The following KCNIP4 variants were observed in gnomAD, a reference collection of about 807,000 sequenced individuals.
The protein encoded by KCNIP4 is potassium voltage-gated channel interacting protein 4, also known as Kv channel-interacting protein 4.
KCNIP4 carries 12 observed loss-of-function variants against 34.0 expected under a neutral mutation model. The ratio of observed to expected loss-of-function variants is 0.35; its 90% CI spans 0.23 to 0.57. KCNIP4 has a LOEUF of 0.57. Ranked by LOEUF, KCNIP4 falls within the 20% of genes least tolerant of loss-of-function variation. The pLI is 0.83. For synonymous variants in KCNIP4, 124 were observed against 102.2 expected (o/e 1.21, Z -1.29); for missense variants, 238 against 311.7 (o/e 0.76, Z 1.78).
intron 3 of KCNIP4, among the ~76,000 whole-genome samples, chr4:20,770,810 C>T (rs920048674): frequency 2.0e-5 from 3 of 151,966 alleles, no homozygotes; most frequent in African/African-American, 7.3e-5. Context: ...TGGTGCATGC[C>T]TGTAGTCCTG....
At chr4:21,642,258 C>T (rs1746667333) in intron 1 of KCNIP4, among the ~76,000 whole-genome samples, 1 of 152,032 alleles carries the variant, frequency 6.6e-6, no homozygotes, top group South Asian at 2.1e-4. Flanking sequence ...GTGGAATGAC[C>T]TTTTGAAGAC....
At chr4:20,911,562 A>C (rs1728327592) in intron 1 of KCNIP4, among the ~76,000 whole-genome samples, 1 of 152,186 alleles carries the variant, frequency 6.6e-6, no homozygotes, top group African/African-American at 2.4e-5. Context: ...TTCTGATCCC[A>C]TTATTCATTT....
intron 1 of KCNIP4, among the ~76,000 whole-genome samples, chr4:21,465,143 G>A (rs752675676): frequency 6.6e-6 from 1 of 152,026 alleles, no homozygotes; most frequent in African/African-American, 2.4e-5. Context: ...GCTATTTCAG[G>A]AAAGAACACA....
chr4:21,361,939 C>T (rs575264114), intron 1 of KCNIP4, among the ~76,000 whole-genome samples: 2 of 152,152 alleles, frequency 1.3e-5, no homozygotes, highest in Admixed American at 1.3e-4. Context: ...CTTTTCAAAA[C>T]TCCTCTATAA....
intron 1 of KCNIP4, among the ~76,000 whole-genome samples, chr4:21,444,845 T>G (rs1727832448): frequency 6.6e-6 from 1 of 152,200 alleles, no homozygotes; most frequent in African/African-American, 2.4e-5. Context: ...TGTCCCTGTT[T>G]GCAGATGACA....
At chr4:21,841,444 T>C (rs1723669691) in intron 1 of KCNIP4, among the ~76,000 whole-genome samples, 1 of 152,216 alleles carries the variant, frequency 6.6e-6, no homozygotes. Flanking sequence ...ATGTTCATCC[T>C]TGTGTTGAAA....
chr4:21,196,489 C>A (rs1263539265), intron 1 of KCNIP4, among the ~76,000 whole-genome samples: 1 of 152,154 alleles, frequency 6.6e-6, no homozygotes, highest in Admixed American at 6.5e-5. Context: ...CATGCAGATG[C>A]CTCATCTTAG....
At chr4:21,870,046 C>T (rs966467823) in intron 1 of KCNIP4, among the ~76,000 whole-genome samples, 4 of 152,100 alleles carry the variant, frequency 2.6e-5, no homozygotes, top group South Asian at 2.1e-4. Context: ...TGTGTATCTG[C>T]GGCAAGGTAA....
intron 5 of KCNIP4, among the ~76,000 whole-genome samples, chr4:20,742,937 C>T (rs79667669): frequency 1.3e-5 from 2 of 151,816 alleles, no homozygotes; most frequent in South Asian, 4.2e-4. Context: ...CAAACAGAGC[C>T]AAATCATGAG....
intron 1 of KCNIP4, among the ~76,000 whole-genome samples, chr4:21,159,026 C>T (rs1201408914): frequency 6.6e-6 from 1 of 151,744 alleles, no homozygotes; most frequent in Non-Finnish European, 1.5e-5. Context: ...ATCAATTTTC[C>T]CCAAATTGAT....
intron 1 of KCNIP4, among the ~76,000 whole-genome samples, chr4:21,651,376 G>A (rs1377465376): frequency 6.6e-6 from 1 of 152,198 alleles, no homozygotes; most frequent in Non-Finnish European, 1.5e-5. Context: ...GTTCACATGA[G>A]TGATGACTGC....
At chr4:21,285,658 G>C (rs1021305838) in intron 1 of KCNIP4, among the ~76,000 whole-genome samples, 8 of 151,702 alleles carry the variant, frequency 5.3e-5, no homozygotes, top group African/African-American at 1.9e-4. Flanking sequence ...GTGAAACTCC[G>C]TCTCTACTAA....
intron 1 of KCNIP4, among the ~76,000 whole-genome samples, chr4:20,907,342 C>T (rs140967017): frequency 1.3e-5 from 2 of 152,144 alleles, no homozygotes; most frequent in Non-Finnish European, 2.9e-5. Flanking sequence ...TTTAGAAGCT[C>T]TAACTCTGCT....
chr4:20,752,783 G>T (rs1057244169), intron 4 of KCNIP4: 8 of 152,224 alleles, frequency 5.3e-5, no homozygotes, highest in African/African-American at 1.9e-4. Flanking sequence ...GGAATGTCCA[G>T]CTAGGCAGAA....
At chr4:20,981,169 A>G (rs1158242911) in intron 1 of KCNIP4, among the ~76,000 whole-genome samples, 1 of 152,126 alleles carries the variant, frequency 6.6e-6, no homozygotes, top group Non-Finnish European at 1.5e-5. Context: ...ATTGAATGTA[A>G]GTCACATTTG....
chr4:20,780,955 G>C (rs1756817575), intron 3 of KCNIP4, among the ~76,000 whole-genome samples: 1 of 152,144 alleles, frequency 6.6e-6, no homozygotes, highest in South Asian at 2.1e-4. Flanking sequence ...TTACAGGGTG[G>C]CTACAAAGGA....
chr4:21,365,334 G>T (rs1719638378), intron 1 of KCNIP4, among the ~76,000 whole-genome samples: 1 of 151,656 alleles, frequency 6.6e-6, no homozygotes, highest in South Asian at 2.1e-4. Flanking sequence ...AAAATACAAA[G>T]ATTAGCTGGG....
At chr4:21,822,631 G>A (rs1357219260) in intron 1 of KCNIP4, among the ~76,000 whole-genome samples, 1 of 151,622 alleles carries the variant, frequency 6.6e-6, no homozygotes, top group Non-Finnish European at 1.5e-5. Context: ...CCCAGCAGAT[G>A]GTTTATGTAT....
chr4:20,989,891 C>T (rs372320405), intron 1 of KCNIP4, among the ~76,000 whole-genome samples: 9 of 152,212 alleles, frequency 5.9e-5, no homozygotes, highest in African/African-American at 2.2e-4. Context: ...ATTGCTTGAA[C>T]CTAAGAGGCA....
Sources: gnomAD v4.1 joint callset for allele counts (sites outside exome capture counted in the v4.1 genomes callset) on GRCh38, gnomAD v4.1.1 for gene constraint, MANE v1.5 for transcripts, NCBI Gene and HGNC (gene_info 2026-07-23, HGNC 2026-07-21) for gene names.